The following ALG9 variants were observed in gnomAD, a reference collection of about 807,000 sequenced individuals.
The protein encoded by ALG9 is ALG9 alpha-1,2-mannosyltransferase.
ALG9 carries 55 observed loss-of-function variants against 81.8 expected under a neutral mutation model. The observed-to-expected ratio is 0.67, with a 90% confidence interval of 0.54 to 0.84. ALG9 has a LOEUF of 0.84. ALG9 is among the 40% of genes least tolerant of loss of function. The pLI is 0.00. For synonymous variants in ALG9, 278 were observed against 274.3 expected, an observed-to-expected ratio of 1.01 and a Z score of -0.13; for missense variants, 629 against 745.0, an observed-to-expected ratio of 0.84 and a Z score of 1.81.
chr11:111,864,247 G>A (rs1439769070), intron 4 of ALG9: 24 of 1,026,396 alleles, frequency 2.3e-5, no homozygotes, highest in Non-Finnish European at 3.4e-5. Context: ...CGGCCCTCAC[G>A]TGCACCATGT....
At chr11:111,789,036 T>G (rs564678044) in intron 14 of ALG9, among the ~76,000 whole-genome samples, 2 of 151,750 alleles carry the variant, frequency 1.3e-5, no homozygotes. Context: ...AGAGACAGGG[T>G]CTCACTATTT....
At chr11:111,870,099 T>A in intron 2 of ALG9, 133 bp downstream of exon 2, 1 of 1,176,884 alleles carries the variant, frequency 8.5e-7, no homozygotes, top group South Asian at 1.9e-5. Context: ...GGCCTGTTTT[T>A]TTGTTTTTTT....
intron 3 of ALG9, 116 bp from the exon 4 acceptor site, chr11:111,865,367 G>T: frequency 2.6e-6 from 2 of 777,000 alleles, no homozygotes; most frequent in Non-Finnish European, 2.1e-6. Flanking sequence ...TAATTCTTTT[G>T]AAAAGCAACA....
At chr11:111,776,083 G>A in the ALG9 span, among the ~76,000 whole-genome samples, 5 of 152,112 alleles carry the variant, frequency 3.3e-5, no homozygotes, top group Non-Finnish European at 5.9e-5. Context: ...TAAGTGGGGC[G>A]TGGTGCAGAC....
At chr11:111,788,462 G>A (rs1276830802) in intron 14 of ALG9, 2 of 454,024 alleles carry the variant, frequency 4.4e-6, no homozygotes, top group Non-Finnish European at 8.8e-6. Flanking sequence ...AGAAGTTAAT[G>A]GCCAGGCACG....
At chr11:111,868,551 A>G (rs1405840794) in intron 3 of ALG9, 51 bp downstream of exon 3, 1 of 1,591,564 alleles carries the variant, frequency 6.3e-7, no homozygotes, top group African/African-American at 1.3e-5. Flanking sequence ...ACTATACCAG[A>G]GACTCACCTC....
the ALG9 span, among the ~76,000 whole-genome samples, chr11:111,776,595 AAAAAC>A: frequency 6.6e-6 from 1 of 152,214 alleles, no homozygotes; most frequent in African/African-American, 2.4e-5. Flanking sequence ...CTCAAAAAAC[AAAAAC>A]AAAACAAAAC....
chr11:111,782,550 C>T lies in ALG9; in HGVS notation c.*3847G>A, dbSNP rs781992363. The T allele has an allele frequency of 6.6e-6, 1 of 152,648 alleles. No individual in the cohort carries two copies. The highest frequency in any genetic ancestry group is 1.5e-5 in the Non-Finnish European group (1 of 68,042). The allele number at this position is 152,648 out of a possible 1,614,324, so 9.5% of individuals were successfully genotyped here. A position where few individuals can be genotyped will look rare whatever the true frequency, so the allele number is the denominator to read the frequency against. ...GAGCATAAGAATGCACTGATTAACA[C>T]GTGAGCTTTAATATGCTTGTGGAGG... On this transcript the variant is annotated 3_prime_UTR_variant, in exon 15 of 15. Coordinates refer to ENST00000616540, the MANE Select transcript of ALG9 (RefSeq NM_024740.2).
chr11:111,812,241 G>A (rs1473184063), intron 13 of ALG9, among the ~76,000 whole-genome samples: 1 of 152,064 alleles, frequency 6.6e-6, no homozygotes, highest in Non-Finnish European at 1.5e-5. Flanking sequence ...GTATGGAAAG[G>A]CAGAAAGACA....
chr11:111,869,965 C>T lies in ALG9; in HGVS notation c.270+267G>A, dbSNP rs374250497. On this transcript the variant is annotated intron_variant, in intron 2 of 14. Coordinates refer to ENST00000616540, the MANE Select transcript of ALG9 (RefSeq NM_024740.2). ...TAGCTGGGACTACAGGCGCCCACCA[C>T]CATGCCCGGCTAATTTTTGTATTTT... Among the ~76,000 whole-genome samples the T allele has an allele frequency of 1.8e-4, 27 of 152,190 alleles. No individual in the cohort carries two copies. In the East Asian group the frequency reaches 2.7e-3, roughly 15 times the overall value.
intron 1 of ALG9, 139 bp downstream of exon 1, chr11:111,871,213 C>G: frequency 7.6e-7 from 1 of 1,311,314 alleles, no homozygotes; most frequent in Non-Finnish European, 9.6e-7. Context: ...CCAATAGGAC[C>G]TAGCTGAAGA....
At chr11:111,820,937 C>T (rs1952247275) in intron 13 of ALG9, among the ~76,000 whole-genome samples, 1 of 150,718 alleles carries the variant, frequency 6.6e-6, no homozygotes, top group Non-Finnish European at 1.5e-5. Context: ...CACACACACA[C>T]ACACACACAC....
chr11:111,812,660 TA>T (rs753391291), intron 13 of ALG9, among the ~76,000 whole-genome samples: 8 of 152,178 alleles, frequency 5.3e-5, no homozygotes, highest in Non-Finnish European at 7.3e-5. Flanking sequence ...CTTACGCCTG[TA>T]ATCCTAGCAC....
intron 6 of ALG9, among the ~76,000 whole-genome samples, chr11:111,857,401 T>C (rs781957004): frequency 2.0e-5 from 3 of 152,238 alleles, no homozygotes; most frequent in Non-Finnish European, 2.9e-5. Flanking sequence ...GCCTAACACA[T>C]AGCAGATGCT....
In ALG9 at chr11:111,871,355, G is replaced by A. The variant is rs1377024435; in HGVS notation, c.128C>T (p.Thr43Ile). ...SREAGGAEHRTELSGNKAGQV... is the reference protein window; with the variant it reads ...SREAGGAEHRIELSGNKAGQV... The stretch of plus-strand genomic sequence containing the variant: ...CCCTGCCGCGCCGCACACGTACTCG[G>A]TCCGGTGCTCCGCGCCGCCCGCCTC... The change falls in exon 1 of 15, where the codon ACC becomes ATC. Residue 43 changes from threonine to isoleucine, a missense_variant. Physicochemically the swap from Thr to Ile is moderately conservative, Grantham distance 89. Around this residue, in one of 3 missense-constraint regions of ALG9, gnomAD observed 344 missense variants for 390.5 expected, o/e 0.88. Transcript: ENST00000616540. 6.5e-6 allele frequency: 10 copies of A among 1,529,480 alleles called. No homozygotes were observed. The Admixed American group carries it at 7.9e-5, about 12-fold the overall frequency. The allele number at this position is 1,529,480 out of a possible 1,614,324, so 94.7% of individuals were successfully genotyped here.
intron 13 of ALG9, among the ~76,000 whole-genome samples, chr11:111,817,708 C>T (rs1275756611): frequency 6.6e-6 from 1 of 151,548 alleles, no homozygotes; most frequent in Admixed American, 6.6e-5. Flanking sequence ...CCTGCCTCTA[C>T]ATCACCTTCT....
At chr11:111,817,871 G>A (rs984533490) in intron 13 of ALG9, among the ~76,000 whole-genome samples, 1 of 151,312 alleles carries the variant, frequency 6.6e-6, no homozygotes, top group Non-Finnish European at 1.5e-5. Flanking sequence ...CCACCTCGCA[G>A]GTTCAAGCGA....
chr11:111,831,489 C>T (rs1374185397), intron 13 of ALG9, among the ~76,000 whole-genome samples: 2 of 152,062 alleles, frequency 1.3e-5, no homozygotes, highest in Non-Finnish European at 2.9e-5. Context: ...CAGAGTGAGA[C>T]CCTGCCTCTG....
At chr11:111,826,404 C>CA (rs1270555886) in intron 13 of ALG9, among the ~76,000 whole-genome samples, 2 of 143,528 alleles carry the variant, frequency 1.4e-5, no homozygotes, top group East Asian at 4.1e-4. Flanking sequence ...AAAAAAAAAA[C>CA]AAAAAAAAAC....
Sources: allele counts gnomAD v4.1 joint callset (sites outside exome capture counted in the v4.1 genomes callset), GRCh38; gene constraint gnomAD v4.1.1; regional missense constraint gnomAD v4.1.1; transcripts MANE v1.5; gene names NCBI Gene and HGNC (gene_info 2026-07-23, HGNC 2026-07-21).